The following SEC22C variants were observed in gnomAD, a reference collection of about 807,000 sequenced individuals.
The protein encoded by SEC22C is SEC22 homolog C, vesicle trafficking protein, also known as vesicle-trafficking protein SEC22c.
A neutral mutation model predicts 34.7 loss-of-function variants in SEC22C; 29 were observed. The ratio of observed to expected loss-of-function variants is 0.84; its 90% confidence interval spans 0.62 to 1.14. The LOEUF (loss-of-function observed/expected upper bound fraction) is 1.14, where lower values mean the gene tolerates loss of function less well. Among genes scored for constraint, SEC22C ranks in the 50% most tolerant of loss-of-function variants. The probability of loss-of-function intolerance (pLI) is 0.00; values close to 1 mark genes in which losing one functional copy is unlikely to be tolerated. For missense variants in SEC22C, 337 were observed against 369.0 expected, an observed-to-expected ratio of 0.91 and a Z score of 0.71; for synonymous variants, 117 against 132.8, an observed-to-expected ratio of 0.88 and a Z score of 0.82.
chr3:42,577,933 G>A (rs561869357), intron 1 of SEC22C, among the ~76,000 whole-genome samples: 17 of 151,840 alleles, frequency 1.1e-4, no homozygotes, highest in Admixed American at 3.3e-4. Flanking sequence ...CTGCACCATT[G>A]CACTCCAGCC....
Position 42,588,526 on chromosome 3 carries a change from A to C in SEC22C, c.-28+12434T>G, listed in dbSNP as rs1704700133. On this transcript the variant is annotated intron_variant, in intron 1 of 6. Transcript: ENST00000417572. ...AGGTAAGATACTTAATACCCAGGAC[A>C]GATCTTTGTGTGTATATATACATAC... Among the ~76,000 whole-genome samples, 2 of 152,236 alleles carry C rather than the reference A, an allele frequency of 1.3e-5. 1 individual carries two copies. Among genetic ancestry groups the C allele is most frequent in the African/African-American group, 4.8e-5 (2 of 41,464 alleles).
chr3:42,574,170 A>T (rs780972908), intron 1 of SEC22C, among the ~76,000 whole-genome samples: 1 of 152,140 alleles, frequency 6.6e-6, no homozygotes, highest in Non-Finnish European at 1.5e-5. Flanking sequence ...TTCTCATAGA[A>T]AACATGGAGG....
chr3:42,583,947 G>A (rs1704522983), upstream of SEC22C, among the ~76,000 whole-genome samples: 1 of 152,182 alleles, frequency 6.6e-6, no homozygotes, highest in Non-Finnish European at 1.5e-5. Flanking sequence ...CCTTGGACTG[G>A]GAGATACACC....
upstream of SEC22C, among the ~76,000 whole-genome samples, chr3:42,583,191 G>T (rs1314924927): frequency 6.6e-6 from 1 of 152,232 alleles, no homozygotes; most frequent in Non-Finnish European, 1.5e-5. Context: ...GGCTGCTAAA[G>T]TGCAGATCAA....
At chr3:42,591,324 G>A in intron 1 of SEC22C, 2 of 593,416 alleles carry the variant, frequency 3.4e-6, no homozygotes, top group African/African-American at 3.8e-5. Context: ...TCAGCCTCCT[G>A]AGTAGCTGGG....
At chr3:42,588,603 A>T (rs1340840249) in intron 1 of SEC22C, among the ~76,000 whole-genome samples, 1 of 152,166 alleles carries the variant, frequency 6.6e-6, no homozygotes, top group East Asian at 1.9e-4. Flanking sequence ...GAAATTTTGC[A>T]TAAGATTGGT....
upstream of SEC22C, among the ~76,000 whole-genome samples, chr3:42,585,116 C>T (rs139543156): frequency 8.9e-4 from 136 of 152,094 alleles, 1 homozygote; most frequent in Middle Eastern, 0.01. Context: ...CCTACAAGAG[C>T]GAAACTCCAT....
At chr3:42,557,816 A>C (rs1194467421) in intron 4 of SEC22C, 120 bp from the exon 5 acceptor site, 1 of 515,424 alleles carries the variant, frequency 1.9e-6, no homozygotes, top group East Asian at 3.1e-5. Context: ...ACATAGAATT[A>C]CAAACATATT....
intron 1 of SEC22C, chr3:42,594,526 G>T (rs1017784147): frequency 6.2e-7 from 1 of 1,604,786 alleles, no homozygotes; most frequent in Non-Finnish European, 8.5e-7. Context: ...AAAAGCAATA[G>T]AATAATCTTC....
At chr3:42,580,066 C>T (rs1463584493) in intron 1 of SEC22C, among the ~76,000 whole-genome samples, 1 of 152,198 alleles carries the variant, frequency 6.6e-6, no homozygotes, top group Non-Finnish European at 1.5e-5. Context: ...TTTCCTAAAT[C>T]TTCTTCCCAG....
chr3:42,561,394 A>C (rs1702899001), intron 3 of SEC22C, 98 bp from the exon 4 acceptor site: 3 of 1,276,970 alleles, frequency 2.3e-6, no homozygotes, highest in Non-Finnish European at 3.3e-6. Context: ...TTTTTTGAAG[A>C]TAGGGTCTCA....
intron 1 of SEC22C, among the ~76,000 whole-genome samples, chr3:42,570,507 C>A (rs1011307915): frequency 6.6e-6 from 1 of 152,024 alleles, no homozygotes; most frequent in Non-Finnish European, 1.5e-5. Context: ...ACAAAGGAGG[C>A]AAAAAGAAAA....
At chr3:42,598,890 G>A (rs928058440) in intron 1 of SEC22C, among the ~76,000 whole-genome samples, 1 of 151,732 alleles carries the variant, frequency 6.6e-6, no homozygotes, top group African/African-American at 2.4e-5. Flanking sequence ...TGGTTAAAAT[G>A]GCAACTTTCA....
chr3:42,580,495 G>C (rs574666170), intron 1 of SEC22C: 28 of 152,306 alleles, frequency 1.8e-4, no homozygotes, highest in African/African-American at 6.5e-4. Context: ...TTCTATTAAG[G>C]CTCCAAGTTG....
chr3:42,583,207 A>G (rs563236397), upstream of SEC22C, among the ~76,000 whole-genome samples: 2 of 152,350 alleles, frequency 1.3e-5, no homozygotes, highest in Admixed American at 1.3e-4. Context: ...ATCAAAATGG[A>G]GAAGTCTCAA....
At chr3:42,564,576 C>T (rs554214911) in intron 2 of SEC22C, among the ~76,000 whole-genome samples, 29 of 152,318 alleles carry the variant, frequency 1.9e-4, no homozygotes, top group South Asian at 6.2e-4. Flanking sequence ...TACACTCCAA[C>T]TTCAACCTTT....
chr3:42,567,476 C>T (rs1350309487), intron 2 of SEC22C, among the ~76,000 whole-genome samples: 2 of 152,188 alleles, frequency 1.3e-5, no homozygotes, highest in Non-Finnish European at 2.9e-5. Flanking sequence ...ACAGTGTAAA[C>T]TTAGTTAAGT....
At chr3:42,570,328 C>T (rs1045666261) in intron 1 of SEC22C, among the ~76,000 whole-genome samples, 3 of 152,160 alleles carry the variant, frequency 2.0e-5, no homozygotes, top group African/African-American at 4.8e-5. Context: ...AGTACTTTCT[C>T]CCTCTTTTAA....
intron 1 of SEC22C, among the ~76,000 whole-genome samples, chr3:42,596,264 C>T (rs1025093379): frequency 9.9e-5 from 15 of 152,188 alleles, no homozygotes; most frequent in African/African-American, 3.6e-4. Context: ...TCAGGTGATC[C>T]ACCTGCCTCA....
Sources: allele counts gnomAD v4.1 joint callset (sites outside exome capture counted in the v4.1 genomes callset), GRCh38; gene constraint gnomAD v4.1.1; transcripts MANE v1.5; gene names NCBI Gene and HGNC (gene_info 2026-07-23, HGNC 2026-07-21).